Variants in BAZ2B observed in about 807,000 individuals in gnomAD.
BAZ2B encodes the protein bromodomain adjacent to zinc finger domain protein 2B.
Under a neutral mutation model 246.0 loss-of-function variants are expected in BAZ2B, and 91 were observed. The ratio of observed to expected loss-of-function variants is 0.37; its 90% CI spans 0.31 to 0.44. The LOEUF is 0.44. Ranked by LOEUF, BAZ2B falls within the 20% of genes least tolerant of loss-of-function variation. The probability of loss-of-function intolerance (pLI) is 1.00; values close to 1 mark genes in which losing one functional copy is unlikely to be tolerated. For synonymous variants in BAZ2B, 855 were observed against 860.0 expected, an observed-to-expected ratio of 0.99 and a Z score of 0.10; for missense variants, 2,332 against 2,533.7, an observed-to-expected ratio of 0.92 and a Z score of 1.71.
rs538332269 is a variant in BAZ2B at position 159,531,999 on chromosome 2, A to G, written c.-3+23824T>C. 2.7e-4 allele frequency among the ~76,000 whole-genome samples: 41 copies of G among 152,332 alleles called. 1 individual carries two copies. The highest frequency in any genetic ancestry group is 9.6e-4 in the African/African-American group (40 of 41,584). ...ATATATTCCTAAAACTTTAAAACCT[A>G]AAATGACTTTAGTTTGACATAGTTT... is the stretch of plus-strand genomic sequence containing the variant. On this transcript the variant is annotated intron_variant, in intron 2 of 36. Transcript: ENST00000392783.
chr2:159,368,893 A>G (rs959174129), intron 27 of BAZ2B, among the ~76,000 whole-genome samples: 1 of 148,994 alleles, frequency 6.7e-6, no homozygotes, highest in African/African-American at 2.5e-5. Context: ...ACTGTCTCCT[A>G]TAAGCTATTC....
At chr2:159,519,220 T>TA (rs1162439183) in intron 2 of BAZ2B, among the ~76,000 whole-genome samples, 3 of 37,582 alleles carry the variant, frequency 8.0e-5, no homozygotes, top group African/African-American at 2.8e-4. Flanking sequence ...CTTTTTTTTT[T>TA]TTTTTTTTTT....
chr2:159,689,270 C>T, the BAZ2B span: 3 of 472,494 alleles, frequency 6.3e-6, no homozygotes, highest in African/African-American at 2.1e-5. Flanking sequence ...AACTTTAACA[C>T]CTGTCTCATC....
the BAZ2B span, among the ~76,000 whole-genome samples, chr2:159,646,249 T>C: frequency 6.6e-6 from 1 of 152,244 alleles, no homozygotes; most frequent in Admixed American, 6.5e-5. Flanking sequence ...TTCTCCCATT[T>C]GCTTTTGAAA....
intron 1 of BAZ2B, among the ~76,000 whole-genome samples, chr2:159,556,603 A>C (rs1287338115): frequency 6.9e-6 from 1 of 144,160 alleles, no homozygotes; most frequent in African/African-American, 2.9e-5. Context: ...TGGGACTACA[A>C]GTGTGCACCA....
intron 34 of BAZ2B, among the ~76,000 whole-genome samples, chr2:159,329,499 G>A (rs569604062): frequency 8.5e-5 from 13 of 152,102 alleles, no homozygotes; most frequent in Admixed American, 5.9e-4. Context: ...ACATCTTTTC[G>A]ATTCTGTGAT....
rs1475496151 is a variant in BAZ2B at position 159,349,170 on chromosome 2, T to C, written c.4974A>G (p.Leu1658=). The C allele has an allele frequency of 6.2e-7, 1 of 1,614,096 alleles. No individual in the cohort carries two copies. Among genetic ancestry groups the C allele is most frequent in the Admixed American group, 1.7e-5 (1 of 60,008 alleles). Residue 1658 remains leucine, a synonymous_variant, in exon 29 of 37, where the codon TTA becomes TTG. Transcript: ENST00000392783. The part of the protein sequence containing the change: ...TSSVPSLGSG[L]GLSEGNGNSF... ...AATTACCATTTCCTTCTGATAACCC[T>C]AACCCCGATCCTAGACTAGGTACAG...
chr2:159,675,620 G>A, the BAZ2B span, among the ~76,000 whole-genome samples: 1 of 152,146 alleles, frequency 6.6e-6, no homozygotes, highest in Non-Finnish European at 1.5e-5. Flanking sequence ...TACAGAAAAT[G>A]ATTCTCCAGA....
In BAZ2B at chr2:159,433,104, T is replaced by C. The variant is rs1026160329; in HGVS notation, c.1553A>G (p.Lys518Arg). ...ALTTKTKMQS[K>R]INENIAAASS... ...TGCAGCAGCAATGTTTTCATTAATCTTGCTCTGCATTTTAGTTTTGGTAGT... is the reference window on the plus strand; with the variant it reads ...TGCAGCAGCAATGTTTTCATTAATCCTGCTCTGCATTTTAGTTTTGGTAGT... The change falls in exon 9 of 37, where the codon AAG becomes AGG. Residue 518 changes from lysine (K) to arginine (R), a missense_variant. Lys to Arg is a conservative substitution (Grantham distance 26). Coordinates refer to ENST00000392783, the MANE Select transcript of BAZ2B (RefSeq NM_013450.4). The C allele has an allele frequency of 1.9e-6, 3 of 1,614,244 alleles. No individual in the cohort carries two copies. Among genetic ancestry groups the C allele is most frequent in the Non-Finnish European group, 1.7e-6 (2 of 1,180,020 alleles).
At chr2:159,437,646 G>A (rs1485617667) in intron 8 of BAZ2B, 5 of 152,372 alleles carry the variant, frequency 3.3e-5, no homozygotes, top group Admixed American at 3.3e-4. Context: ...GCCGGATGTA[G>A]TGGCTCATGC....
At chr2:159,323,874 T>A (rs2063076961) in intron 36 of BAZ2B, among the ~76,000 whole-genome samples, 1 of 150,416 alleles carries the variant, frequency 6.6e-6, no homozygotes, top group African/African-American at 2.4e-5. Flanking sequence ...TTGGAACCAA[T>A]CAGTACCAAT....
intron 27 of BAZ2B, among the ~76,000 whole-genome samples, chr2:159,369,285 T>C (rs910408587): frequency 2.0e-5 from 3 of 152,210 alleles, no homozygotes; most frequent in Non-Finnish European, 4.4e-5. Flanking sequence ...GGAATACACA[T>C]GTGTTCAGTG....
At chr2:159,454,120 A>G (rs2075427812) in intron 3 of BAZ2B, among the ~76,000 whole-genome samples, 1 of 152,152 alleles carries the variant, frequency 6.6e-6, no homozygotes, top group Non-Finnish European at 1.5e-5. Context: ...TAATATATAT[A>G]CATTAATATA....
intron 16 of BAZ2B, among the ~76,000 whole-genome samples, chr2:159,402,873 G>A (rs1008682702): frequency 6.6e-6 from 1 of 151,880 alleles, no homozygotes; most frequent in Non-Finnish European, 1.5e-5. Context: ...CCACTGAGCC[G>A]GTCACTTTAC....
intron 25 of BAZ2B, among the ~76,000 whole-genome samples, chr2:159,381,965 G>C (rs990008235): frequency 2.0e-5 from 3 of 152,122 alleles, no homozygotes; most frequent in Non-Finnish European, 4.4e-5. Context: ...CTTTGTGGGA[G>C]TTTATTACTC....
At chr2:159,447,071 A>C in intron 5 of BAZ2B, 96 bp from the exon 6 acceptor site, 1 of 828,764 alleles carries the variant, frequency 1.2e-6, no homozygotes. Flanking sequence ...GAACTTGAAA[A>C]TATGATAAGT....
Position 159,438,338 on chromosome 2 carries a change from AT to A in BAZ2B, c.1257del (p.Glu419AspfsTer5). The A allele has an allele frequency of 6.2e-7, 1 of 1,613,954 alleles. No individual in the cohort carries two copies. The highest frequency in any genetic ancestry group is 8.5e-7 in the Non-Finnish European group (1 of 1,179,940). ...CTCAATTCACTGGTCAATAAACTAG[AT>A]TCTTCAGAGGTATTTTTATTCCCTG... is the stretch of plus-strand genomic sequence containing the variant. ...LKAGNKNTSE[E>X]SSLLTSELRS... On this transcript the variant is annotated frameshift_variant, in exon 8 of 37. Transcript: ENST00000392783. LOFTEE classifies it high-confidence loss of function.
chr2:159,375,042 C>G (rs776760741), intron 25 of BAZ2B, among the ~76,000 whole-genome samples: 34 of 151,974 alleles, frequency 2.2e-4, no homozygotes, highest in Non-Finnish European at 4.3e-4. Flanking sequence ...ATAGTCAGAC[C>G]CAGTATCTAC....
chr2:159,481,163 GTCT>G (rs956479763), intron 2 of BAZ2B, among the ~76,000 whole-genome samples: 2 of 152,052 alleles, frequency 1.3e-5, no homozygotes, highest in African/African-American at 4.8e-5. Flanking sequence ...TTAGTTTTAA[GTCT>G]TCTTTTTAAG....
Sources: gnomAD v4.1 joint callset for allele counts (sites outside exome capture counted in the v4.1 genomes callset) on GRCh38, gnomAD v4.1.1 for gene constraint, MANE v1.5 for transcripts, NCBI Gene and HGNC (gene_info 2026-07-23, HGNC 2026-07-21) for gene names.